The following TRAIP variants were observed in gnomAD, a reference collection of about 807,000 sequenced individuals.
TRAIP encodes the protein TRAF interacting protein.
Under a neutral mutation model 65.0 loss-of-function variants are expected in TRAIP, and 37 were observed. The ratio of observed to expected loss-of-function variants is 0.57; its 90% CI spans 0.44 to 0.75. TRAIP has a LOEUF of 0.75. Ranked by LOEUF, TRAIP falls within the 30% of genes least tolerant of loss-of-function variation. The pLI, the probability that TRAIP is intolerant of heterozygous loss-of-function variation, is 0.00. For missense variants in TRAIP, 481 were observed against 579.4 expected (o/e 0.83, Z 1.74); for synonymous variants, 187 against 219.1 (o/e 0.85, Z 1.29).
intron 10 of TRAIP, 153 bp downstream of exon 10, chr3:49,839,619 G>A: frequency 1.4e-6 from 1 of 705,742 alleles, no homozygotes; most frequent in Non-Finnish European, 2.5e-6. Context: ...AAGGCTGCTT[G>A]CCAGCTAAAT....
intron 1 of TRAIP, among the ~76,000 whole-genome samples, chr3:49,851,492 G>A (rs1200173303): frequency 2.6e-5 from 4 of 152,108 alleles, no homozygotes; most frequent in Admixed American, 6.5e-5. Context: ...AGGCTCAAGC[G>A]ATCCTCCTGC....
chr3:49,851,700 CTT>C (rs35171858), intron 1 of TRAIP, among the ~76,000 whole-genome samples: 80 of 142,900 alleles, frequency 5.6e-4, no homozygotes, highest in Non-Finnish European at 7.5e-4. Context: ...CAAAAAAACA[CTT>C]TTTTTTTTTT....
chr3:49,843,992 G>A (rs2081862156), intron 4 of TRAIP, 64 bp from the exon 5 acceptor site: 2 of 1,546,600 alleles, frequency 1.3e-6, no homozygotes, highest in Admixed American at 1.8e-5. Context: ...AGAAGAACTT[G>A]GGCCCTTGGA....
Position 49,856,550 on chromosome 3 carries a change from T to C in TRAIP, c.-97A>G, listed in dbSNP as rs529074936. 116 of 1,074,836 alleles carry C rather than the reference T, an allele frequency of 1.1e-4. No homozygotes were observed. Among genetic ancestry groups the C allele is most frequent in the East Asian group, 1.9e-4 (7 of 37,522 alleles). 66.6% of individuals were successfully genotyped at this position (1,074,836 alleles called of 1,614,324 possible). ...CGCCTCCGCTTGCTTCAAATTTGGC[T>C]CCGCAGCACGACTTCCTGGAGCGGG... On this transcript the variant is annotated 5_prime_UTR_variant, in exon 1 of 15. Transcript: ENST00000331456.
At position 49,851,576 on chromosome 3, in the gene TRAIP, T is replaced by G. The variant is rs1056115378; in HGVS notation, c.99-3376A>C. Among the ~76,000 whole-genome samples the G allele has an allele frequency of 4.6e-5, 7 of 151,636 alleles. No individual in the cohort carries two copies. In the East Asian group the frequency reaches 9.8e-4, roughly 21 times the overall value. Reference sequence around the variant, plus strand: ...GGTAATTTATATTTTTTTCACTTTTTTGTAGAGATGGGGTGTCACTGTGTT... The same window carrying G: ...GGTAATTTATATTTTTTTCACTTTTGTGTAGAGATGGGGTGTCACTGTGTT... On this transcript the variant is annotated intron_variant, in intron 1 of 14. Transcript: ENST00000331456.
At chr3:49,832,189 C>A (rs1258429030) in intron 10 of TRAIP, 121 bp from the exon 11 acceptor site, 10 of 1,183,406 alleles carry the variant, frequency 8.5e-6, no homozygotes, top group Non-Finnish European at 1.1e-5. Context: ...TCAAGGCCAC[C>A]CCTCAAGAGA....
At chr3:49,844,695 G>T in intron 3 of TRAIP, 115 bp from the exon 4 acceptor site, 1 of 1,138,064 alleles carries the variant, frequency 8.8e-7, no homozygotes, top group Non-Finnish European at 1.3e-6. Flanking sequence ...TCTAGGGCAT[G>T]AATCCTGCAG....
intron 3 of TRAIP, among the ~76,000 whole-genome samples, chr3:49,846,936 T>C (rs2081887760): frequency 6.6e-6 from 1 of 152,038 alleles, no homozygotes; most frequent in South Asian, 2.1e-4. Flanking sequence ...ATCTCAGCAC[T>C]TTGGGAGGCC....
At chr3:49,852,048 AAAACAAACCAGAAG>A (rs2081936550) in intron 1 of TRAIP, among the ~76,000 whole-genome samples, 1 of 151,954 alleles carries the variant, frequency 6.6e-6, no homozygotes, top group Non-Finnish European at 1.5e-5. Context: ...AAGCACTATG[AAAACAAACCAGAAG>A]AAATGCCCAC....
At chr3:49,841,221 C>T (rs2081836839) in intron 7 of TRAIP, 149 bp from the exon 8 acceptor site, 2 of 675,182 alleles carry the variant, frequency 3.0e-6, no homozygotes, top group African/African-American at 3.6e-5. Context: ...TACCAGGTGG[C>T]ACTGTGGAGG....
In TRAIP at chr3:49,840,988, G is replaced by C; in HGVS notation, c.702C>G (p.Ser234Arg). 1 of 1,614,102 alleles carries C rather than the reference G, an allele frequency of 6.2e-7. No homozygotes were observed. The highest frequency in any genetic ancestry group is 8.5e-7 in the Non-Finnish European group (1 of 1,179,938). Residue 234 changes from serine (S) to arginine (R), a missense_variant, in exon 8 of 15, where the codon AGC becomes AGG. Coordinates refer to ENST00000331456, the MANE Select transcript of TRAIP (RefSeq NM_005879.3). ...KLRKDLFSSRSKLQTVYSELD... is the reference protein window; with the variant it reads ...KLRKDLFSSRRKLQTVYSELD... ...CCTCTGTTCACTGCTAAGTTACCTT[G>C]CTTCTGGAGGAAAACAAATCCTTCC... is the stretch of plus-strand genomic sequence containing the variant.
intron 10 of TRAIP, 24 bp downstream of exon 10, chr3:49,839,748 T>G (rs765199069): frequency 6.2e-6 from 10 of 1,608,168 alleles, no homozygotes; most frequent in Non-Finnish European, 8.5e-6. Flanking sequence ...TTGTGACCCC[T>G]GTACCGCCCA....
chr3:49,835,888 G>A (rs931526272), intron 10 of TRAIP, among the ~76,000 whole-genome samples: 21 of 148,978 alleles, frequency 1.4e-4, no homozygotes, highest in African/African-American at 4.2e-4. Context: ...GAAGTGAGCC[G>A]AGATCGTGCC....
intron 1 of TRAIP, 85 bp from the exon 2 acceptor site, chr3:49,848,285 G>T: frequency 6.9e-7 from 1 of 1,452,312 alleles, no homozygotes; most frequent in Non-Finnish European, 9.6e-7. Flanking sequence ...CCACGAAAGG[G>T]TCTGTTCTGC....
In TRAIP at chr3:49,851,760, A is replaced by G. The variant is rs1197713864; in HGVS notation, c.99-3560T>C. Among the ~76,000 whole-genome samples, 2 of 150,378 alleles carry G rather than the reference A, an allele frequency of 1.3e-5. 1 individual carries two copies. Among genetic ancestry groups the G allele is most frequent in the Middle Eastern group, 7.0e-3 (2 of 286 alleles). Reference sequence around the variant, plus strand: ...CACCCAGGCGGGAGTGCAGTGGTGCAATCTCGGCTCACTGCAACCTCCACC... The same window carrying G: ...CACCCAGGCGGGAGTGCAGTGGTGCGATCTCGGCTCACTGCAACCTCCACC... On this transcript the variant is annotated intron_variant, in intron 1 of 14. Transcript: ENST00000331456.
chr3:49,830,264 G>A (rs1189572766), intron 11 of TRAIP, among the ~76,000 whole-genome samples, 196 bp from the exon 12 acceptor site: 1 of 152,206 alleles, frequency 6.6e-6, no homozygotes, highest in East Asian at 1.9e-4. Context: ...CAGTAGGGTG[G>A]CAGAGACAGG....
At chr3:49,829,316 C>T (rs1309478571) in intron 14 of TRAIP, 91 bp from the exon 15 acceptor site, 6 of 1,611,966 alleles carry the variant, frequency 3.7e-6, no homozygotes, top group African/African-American at 2.7e-5. Context: ...GGCTCAGAGC[C>T]GGGGGTGGGC....
chr3:49,840,452 G>T, intron 8 of TRAIP, 79 bp from the exon 9 acceptor site: 1 of 1,201,622 alleles, frequency 8.3e-7, no homozygotes, highest in Non-Finnish European at 1.2e-6. Flanking sequence ...TCCCCAGGGA[G>T]TGATCAAGGT....
At chr3:49,852,107 G>A (rs1020244835) in intron 1 of TRAIP, among the ~76,000 whole-genome samples, 51 of 151,516 alleles carry the variant, frequency 3.4e-4, no homozygotes, top group Admixed American at 4.6e-4. Context: ...AGTGGCTCAC[G>A]CCTGTAATCC....
Sources: gnomAD v4.1 joint callset for allele counts (sites outside exome capture counted in the v4.1 genomes callset) on GRCh38, gnomAD v4.1.1 for gene constraint, MANE v1.5 for transcripts, NCBI Gene and HGNC (gene_info 2026-07-23, HGNC 2026-07-21) for gene names.